LYST: variants seen among roughly 807,000 people sequenced by gnomAD.
LYST encodes the protein lysosomal trafficking regulator.
In LYST, 192 loss-of-function variants were observed where a neutral mutation model predicts 413.6. That is an observed-to-expected ratio of 0.46 (90% CI 0.41 to 0.52). The LOEUF (loss-of-function observed/expected upper bound fraction) is 0.52, where lower values mean the gene tolerates loss of function less well. Among genes scored for constraint, LYST ranks in the 20% least tolerant of loss-of-function variants. LYST has a pLI of 0.00. For missense variants in LYST, 3,815 were observed against 4,499.9 expected (o/e 0.85, Z 4.35); for synonymous variants, 1,525 against 1,567.3 (o/e 0.97, Z 0.64).
intron 5 of LYST, among the ~76,000 whole-genome samples, chr1:235,808,043 T>C (rs1673058801): frequency 6.6e-6 from 1 of 152,222 alleles, no homozygotes; most frequent in African/African-American, 2.4e-5. Flanking sequence ...TGGCCAATAA[T>C]ATTCTATCAA....
At chr1:235,763,172 G>A (rs1348636042) in intron 21 of LYST, among the ~76,000 whole-genome samples, 1 of 152,108 alleles carries the variant, frequency 6.6e-6, no homozygotes, top group African/African-American at 2.4e-5. Flanking sequence ...AAGGGAGATT[G>A]TTCATCCTTG....
upstream of LYST, among the ~76,000 whole-genome samples, chr1:235,867,410 G>T (rs901401536): frequency 6.6e-6 from 1 of 152,186 alleles, no homozygotes; most frequent in Non-Finnish European, 1.5e-5. Context: ...TACCCACAAG[G>T]CACCCCTAGC....
At chr1:235,798,824 C>T (rs897233627) in intron 10 of LYST, among the ~76,000 whole-genome samples, 5 of 151,956 alleles carry the variant, frequency 3.3e-5, no homozygotes, top group Middle Eastern at 3.4e-3. Context: ...CAGAAGAATC[C>T]GTGCAGGGGA....
intron 44 of LYST, among the ~76,000 whole-genome samples, chr1:235,704,560 A>C (rs1661813494): frequency 6.6e-6 from 1 of 152,048 alleles, no homozygotes; most frequent in South Asian, 2.1e-4. Flanking sequence ...TCTTGTTTTG[A>C]AATGTGTCTG....
chr1:235,846,672 AG>A (rs1677917253), intron 1 of LYST, among the ~76,000 whole-genome samples: 1 of 152,172 alleles, frequency 6.6e-6, no homozygotes, highest in African/African-American at 2.4e-5. Context: ...GATAGCATAA[AG>A]AAAAAAAACA....
intron 28 of LYST, 152 bp downstream of exon 28, chr1:235,751,058 A>G (rs796639984): frequency 1.4e-6 from 1 of 734,386 alleles, no homozygotes; most frequent in Non-Finnish European, 2.3e-6. Flanking sequence ...AAAGCACTAA[A>G]AGTAAGGAGC....
chr1:235,769,766 A>C (rs1668477659), intron 20 of LYST, among the ~76,000 whole-genome samples: 1 of 152,164 alleles, frequency 6.6e-6, no homozygotes, highest in African/African-American at 2.4e-5. Context: ...CTAGCATATA[A>C]AATAGACCGT....
rs543457670 is a variant in LYST, at chr1:235,688,201, A to C, written c.10702-1154T>G. On this transcript the variant is annotated intron_variant, in intron 47 of 52. Coordinates refer to ENST00000389793, the MANE Select transcript of LYST (RefSeq NM_000081.4). Reference sequence around the variant, plus strand: ...TTGGAATTACCACATGGATCCAGTGAATCAACCTAAGTTACATTACAAGAT... The same window carrying C: ...TTGGAATTACCACATGGATCCAGTGCATCAACCTAAGTTACATTACAAGAT... 2.6e-5 allele frequency among the ~76,000 whole-genome samples: 4 copies of C among 152,358 alleles called. No homozygotes were observed. The East Asian group carries it at 7.7e-4, about 29-fold the overall frequency.
At chr1:235,738,898 G>A (rs779981674) in intron 31 of LYST, 133 of 736,962 alleles carry the variant, frequency 1.8e-4, no homozygotes, top group Non-Finnish European at 3.1e-4. Flanking sequence ...ATCTCAGACC[G>A]TGTGAAGGTG....
intron 42 of LYST, chr1:235,713,148 AT>A: frequency 1.0e-6 from 1 of 984,720 alleles, no homozygotes; most frequent in Non-Finnish European, 1.2e-6. Context: ...TGTTGAGTCA[AT>A]TGGCATTGGC....
Position 235,693,504 on chromosome 1 carries a change from A to G in LYST, c.10565-18T>C, listed in dbSNP as rs888341112. 3 of 1,613,966 alleles carry G rather than the reference A, an allele frequency of 1.9e-6. No homozygotes were observed. Among genetic ancestry groups the G allele is most frequent in the African/African-American group, 1.3e-5 (1 of 75,050 alleles). On this transcript the variant is annotated intron_variant, in intron 46 of 52. Transcript: ENST00000389793. ...TCTCACACCTCAAGGAGAAGGAGAA[A>G]GAAAAGTATCAGATTGTCACTGCTC...
At position 235,822,367 on chromosome 1, in the gene LYST, C is replaced by T. The variant is rs186787548; in HGVS notation, c.192+7859G>A. On this transcript the variant is annotated intron_variant, in intron 3 of 52. Coordinates refer to ENST00000389793, the MANE Select transcript of LYST (RefSeq NM_000081.4). ...GACTGGATTTCAGGACTGCTATGGC[C>T]GAGAGATGGCTATGTTCCTCTCCTG... Among the ~76,000 whole-genome samples, 421 of 152,226 alleles carry T rather than the reference C, an allele frequency of 2.8e-3. 1 individual carries two copies. The highest frequency in any genetic ancestry group is 4.5e-3 in the Non-Finnish European group (305 of 68,012).
chr1:235,862,144 A>G (rs1465405891), intron 1 of LYST, among the ~76,000 whole-genome samples: 2 of 152,210 alleles, frequency 1.3e-5, no homozygotes, highest in African/African-American at 4.8e-5. Flanking sequence ...GTCAAATCCC[A>G]AACAGGCCAG....
rs1667338321 is a variant in LYST, at chr1:235,759,225, C to T, written c.6628G>A (p.Glu2210Lys). The T allele has an allele frequency of 6.2e-7, 1 of 1,614,028 alleles. No individual in the cohort carries two copies. Among genetic ancestry groups the T allele is most frequent in the Non-Finnish European group, 8.5e-7 (1 of 1,180,038 alleles). ...VKADHKQLGA[E>K]PRSEDDSPGD... ...GGACTGTCATCTTCTGACCTGGGTT[C>T]TGCTCCCAACTGTTTATGATCTGCT... Residue 2210 changes from glutamate to lysine, a missense_variant, in exon 23 of 53, where the codon GAA (glutamate) becomes AAA (lysine). This residue lies in a region of LYST where 771 missense variants were observed against 837.1 expected (regional missense o/e 0.92). Transcript: ENST00000389793.
In LYST at chr1:235,755,560, A is replaced by T; in HGVS notation, c.7147T>A (p.Leu2383Met). 6.2e-7 allele frequency: 1 copy of T among 1,613,110 alleles called. No homozygotes were observed. The highest frequency in any genetic ancestry group is 8.5e-7 in the Non-Finnish European group (1 of 1,179,060). ...NRGFSLLANQ[L>M]YLHRGTQELL... ...TCTTGAGTTCCTCGATGAAGATACA[A>T]CTGGTTGGCTAGCAAGGAAAATCCA... Residue 2383 changes from leucine (L) to methionine (M), a missense_variant, in exon 25 of 53, where the codon TTG becomes ATG. Leu to Met is a conservative substitution (Grantham distance 15). Coordinates refer to ENST00000389793, the MANE Select transcript of LYST (RefSeq NM_000081.4).
Position 235,685,110 on chromosome 1 carries a change from C to T in LYST, c.10800+1839G>A, listed in dbSNP as rs370569582. Among the ~76,000 whole-genome samples, 42 of 152,284 alleles carry T rather than the reference C, an allele frequency of 2.8e-4. 1 individual carries two copies. The South Asian group carries it at 6.0e-3, about 22-fold the overall frequency. ...TCCAGGCTCTTGTGTAAACTATTTCCTCTGCCTGAAATGTTCTTTCCTCTT... is the reference window on the plus strand; with the variant it reads ...TCCAGGCTCTTGTGTAAACTATTTCTTCTGCCTGAAATGTTCTTTCCTCTT... On this transcript the variant is annotated intron_variant, in intron 48 of 52. Coordinates refer to ENST00000389793, the MANE Select transcript of LYST (RefSeq NM_000081.4).
At chr1:235,743,759 T>C (rs1665645737) in intron 30 of LYST, among the ~76,000 whole-genome samples, 1 of 152,180 alleles carries the variant, frequency 6.6e-6, no homozygotes, top group Non-Finnish European at 1.5e-5. Flanking sequence ...CTTCTAGGGT[T>C]ACAGGCTTAA....
At chr1:235,755,429 A>AAAAGG in intron 25 of LYST, 49 bp downstream of exon 25, 1 of 1,456,134 alleles carries the variant, frequency 6.9e-7, no homozygotes, top group South Asian at 1.2e-5. Context: ...AAAAGAAAAG[A>AAAAGG]AAAAAGACAA....
intron 10 of LYST, among the ~76,000 whole-genome samples, chr1:235,797,404 C>A (rs1217809121): frequency 1.3e-5 from 2 of 152,084 alleles, no homozygotes; most frequent in Non-Finnish European, 2.9e-5. Flanking sequence ...ACAATATGTA[C>A]CCTTGATATG....
Sources: allele counts gnomAD v4.1 joint callset (sites outside exome capture counted in the v4.1 genomes callset), GRCh38; gene constraint gnomAD v4.1.1; regional missense constraint gnomAD v4.1.1; transcripts MANE v1.5; gene names NCBI Gene and HGNC (gene_info 2026-07-23, HGNC 2026-07-21).